Variants in RALGAPA1 observed in about 807,000 individuals in gnomAD.
RALGAPA1 encodes Ral GTPase activating protein catalytic subunit alpha 1.
A neutral mutation model predicts 269.6 loss-of-function variants in RALGAPA1; 52 were observed. That is an observed-to-expected ratio of 0.19 (90% CI 0.15 to 0.24). RALGAPA1 has a LOEUF of 0.24. Among genes scored for constraint, RALGAPA1 ranks in the 10% least tolerant of loss-of-function variants. The pLI is 1.00. For synonymous variants in RALGAPA1, 817 were observed against 1,008.3 expected (o/e 0.81, Z 3.60); for missense variants, 1,917 against 3,013.9 (o/e 0.64, Z 8.52).
chr14:35,611,372 T>C, intron 35 of RALGAPA1, among the ~76,000 whole-genome samples: 1 of 151,742 alleles, frequency 6.6e-6, no homozygotes, highest in Middle Eastern at 3.2e-3. Context: ...TGTGGTTGCG[T>C]GCGCTTGTAG....
chr14:35,795,507 T>C (rs2076496279), intron 1 of RALGAPA1, among the ~76,000 whole-genome samples: 1 of 152,116 alleles, frequency 6.6e-6, no homozygotes, highest in South Asian at 2.1e-4. Flanking sequence ...AGCTGGACTA[T>C]AAAAATAAAA....
Position 35,775,741 on chromosome 14 carries a change from A to G in RALGAPA1, c.111T>C (p.Asn37=). 1 of 1,534,630 alleles carries G rather than the reference A, an allele frequency of 6.5e-7. No individual in the cohort carries two copies. Among genetic ancestry groups the G allele is most frequent in the Non-Finnish European group, 8.7e-7 (1 of 1,149,484 alleles). ...RLKHLRIVIE[N]AESIDLKQFF... ...ACTGTTTAAGATCAATAGATTCTGC[A>G]TTCTCTGAAAAATAAAAAAAAATTA... is the stretch of plus-strand genomic sequence containing the variant. Residue 37 remains asparagine, a synonymous_variant, in exon 2 of 42, where the codon AAT becomes AAC. Transcript: ENST00000680220.
At chr14:35,606,820 C>G (rs1239416500) in intron 35 of RALGAPA1, among the ~76,000 whole-genome samples, 8 of 151,124 alleles carry the variant, frequency 5.3e-5, no homozygotes. Flanking sequence ...AGAATTTAGT[C>G]TGACAACCAA....
chr14:35,755,446 G>A (rs2073087397), intron 7 of RALGAPA1, among the ~76,000 whole-genome samples: 1 of 152,148 alleles, frequency 6.6e-6, no homozygotes, highest in African/African-American at 2.4e-5. Flanking sequence ...TTTCATGGAT[G>A]TATACACATA....
intron 41 of RALGAPA1, among the ~76,000 whole-genome samples, chr14:35,541,040 A>ATTTTTTTTTTTTCTT (rs2053925050): frequency 1.1e-5 from 1 of 89,164 alleles, no homozygotes; most frequent in African/African-American, 5.6e-5. Flanking sequence ...GAACACTTCA[A>ATTTTTTTTTTTTCTT]TTTTTTTTTT....
intron 1 of RALGAPA1, among the ~76,000 whole-genome samples, chr14:35,776,130 T>C (rs1014446671): frequency 6.6e-6 from 1 of 152,204 alleles, no homozygotes; most frequent in African/African-American, 2.4e-5. Context: ...ACGCCTGTAA[T>C]CCCAACTTTG....
intron 38 of RALGAPA1, among the ~76,000 whole-genome samples, chr14:35,571,862 A>T (rs957596493): frequency 6.6e-6 from 1 of 152,216 alleles, no homozygotes; most frequent in Non-Finnish European, 1.5e-5. Context: ...GAAGAAACCT[A>T]AATTCACACA....
At chr14:35,664,902 C>A in intron 26 of RALGAPA1, 135 bp from the exon 27 acceptor site, 1 of 710,282 alleles carries the variant, frequency 1.4e-6, no homozygotes, top group African/African-American at 1.8e-5. Flanking sequence ...AGGGAAAACA[C>A]AAAAAGATTT....
In RALGAPA1 at chr14:35,625,492, C is replaced by T. The variant is rs192294732; in HGVS notation, c.6858-60G>A. The T allele has an allele frequency of 6.5e-5, 81 of 1,249,972 alleles. No individual in the cohort carries two copies. The African/African-American group carries it at 7.4e-4, about 11-fold the overall frequency. 77.4% of individuals were successfully genotyped at this position (1,249,972 alleles called of 1,614,324 possible). A position where few individuals can be genotyped will look rare whatever the true frequency, so the allele number is the denominator to read the frequency against. ...TTTGCAGTGAATGACAAGACAGTCC[C>T]GGAAATACTTTCCACTCTACTCATG... On this transcript the variant is annotated intron_variant, in intron 34 of 41. Coordinates refer to ENST00000680220, the MANE Select transcript of RALGAPA1 (RefSeq NM_001346249.2).
At chr14:35,732,709 T>G (rs1333760934) in intron 12 of RALGAPA1, among the ~76,000 whole-genome samples, 1 of 152,214 alleles carries the variant, frequency 6.6e-6, no homozygotes, top group East Asian at 1.9e-4. Flanking sequence ...ATCATAATCC[T>G]AAACATATAT....
intron 36 of RALGAPA1, among the ~76,000 whole-genome samples, chr14:35,597,952 T>A (rs2059025131): frequency 6.6e-6 from 1 of 152,222 alleles, no homozygotes; most frequent in Non-Finnish European, 1.5e-5. Flanking sequence ...ATGATCTGTC[T>A]TGGTATATGT....
At chr14:35,631,500 G>A (rs2061355851) in intron 33 of RALGAPA1, among the ~76,000 whole-genome samples, 1 of 152,062 alleles carries the variant, frequency 6.6e-6, no homozygotes, top group African/African-American at 2.4e-5. Context: ...TTTTGATATA[G>A]AAAAAGATTT....
chr14:35,618,061 A>G (rs1162083440), intron 35 of RALGAPA1, among the ~76,000 whole-genome samples: 1 of 152,192 alleles, frequency 6.6e-6, no homozygotes, highest in Non-Finnish European at 1.5e-5. Context: ...AGTAATAAGG[A>G]TGAAACAAAC....
At chr14:35,762,249 T>C (rs114357023) in intron 5 of RALGAPA1, among the ~76,000 whole-genome samples, 98 of 152,204 alleles carry the variant, frequency 6.4e-4, no homozygotes, top group Middle Eastern at 3.4e-3. Context: ...TGCTACGTTT[T>C]TTTTTTGTTT....
At chr14:35,565,083 CAAT>C (rs1445831506) in intron 39 of RALGAPA1, among the ~76,000 whole-genome samples, 3 of 151,934 alleles carry the variant, frequency 2.0e-5, no homozygotes, top group Non-Finnish European at 4.4e-5. Flanking sequence ...TGTAAGTGAT[CAAT>C]AAATATTTTT....
At chr14:35,608,187 A>C (rs1307648383) in intron 35 of RALGAPA1, among the ~76,000 whole-genome samples, 2 of 152,174 alleles carry the variant, frequency 1.3e-5, no homozygotes, top group East Asian at 1.9e-4. Context: ...GACAAAAAAA[A>C]CATAAACACT....
chr14:35,800,000 C>A (rs768520264), intron 1 of RALGAPA1, among the ~76,000 whole-genome samples: 35 of 152,146 alleles, frequency 2.3e-4, no homozygotes, highest in African/African-American at 1.9e-4. Context: ...AGAAAGATAT[C>A]ATTTCAAAAT....
At chr14:35,605,768 A>G (rs886649908) in intron 35 of RALGAPA1, 59 bp from the exon 36 acceptor site, 156 of 1,569,438 alleles carry the variant, frequency 9.9e-5, no homozygotes, top group Non-Finnish European at 1.3e-4. Context: ...TCATTCATCC[A>G]ACAATTAAGT....
At chr14:35,609,928 C>CAAA (rs534206859) in intron 35 of RALGAPA1, among the ~76,000 whole-genome samples, 8 of 58,904 alleles carry the variant, frequency 1.4e-4, no homozygotes, top group African/African-American at 5.4e-4. Flanking sequence ...ACCCTGTCTC[C>CAAA]AAAAAAAAAA....
Sources: allele counts gnomAD v4.1 joint callset (sites outside exome capture counted in the v4.1 genomes callset), GRCh38; gene constraint gnomAD v4.1.1; transcripts MANE v1.5; gene names NCBI Gene and HGNC (gene_info 2026-07-23, HGNC 2026-07-21).